Variants in VPS13D observed in about 807,000 individuals in gnomAD.
VPS13D encodes the protein intermembrane lipid transfer protein VPS13D.
Under a neutral mutation model 461.9 loss-of-function variants are expected in VPS13D, and 187 were observed. That is an observed-to-expected ratio of 0.40 (90% CI 0.36 to 0.46). The LOEUF is 0.46. VPS13D is among the 20% of genes least tolerant of loss of function. VPS13D has a pLI of 0.60. For missense variants in VPS13D, 4,711 were observed against 5,364.9 expected (o/e 0.88, Z 3.81); for synonymous variants, 1,951 against 1,986.3 (o/e 0.98, Z 0.47).
intron 67 of VPS13D, among the ~76,000 whole-genome samples, chr1:12,468,050 C>A (rs1354124333): frequency 1.3e-5 from 2 of 152,148 alleles, no homozygotes; most frequent in African/African-American, 2.4e-5. Context: ...CATTTACTTT[C>A]TGATTTGGGG....
At chr1:12,486,749 T>C (rs1300756476) in intron 67 of VPS13D, among the ~76,000 whole-genome samples, 7 of 152,194 alleles carry the variant, frequency 4.6e-5, no homozygotes, top group Non-Finnish European at 8.8e-5. Context: ...GGAGTTCCAC[T>C]GCGGACTGCC....
At chr1:12,345,628 C>G in intron 43 of VPS13D, 119 bp downstream of exon 43, 1 of 1,386,696 alleles carries the variant, frequency 7.2e-7, no homozygotes, top group Non-Finnish European at 9.7e-7. Flanking sequence ...AATTCTAGGA[C>G]TGACTGGGTC....
chr1:12,248,598 G>C (rs1038220923), intron 5 of VPS13D, among the ~76,000 whole-genome samples: 1 of 152,200 alleles, frequency 6.6e-6, no homozygotes, highest in African/African-American at 2.4e-5. Flanking sequence ...TCCTGCCTCA[G>C]CTTCCCAGAG....
At chr1:12,316,516 A>G (rs1302664122) in intron 30 of VPS13D, among the ~76,000 whole-genome samples, 2 of 152,192 alleles carry the variant, frequency 1.3e-5, no homozygotes, top group Non-Finnish European at 2.9e-5. Context: ...AATGGGGTGG[A>G]AAAATTTTAC....
chr1:12,455,892 A>G, intron 65 of VPS13D, 106 bp from the exon 66 acceptor site: 3 of 1,375,248 alleles, frequency 2.2e-6, no homozygotes, highest in Non-Finnish European at 2.9e-6. Context: ...ACAGACCAGC[A>G]TGGGCTTATC....
chr1:12,257,850 T>G, intron 9 of VPS13D, 85 bp from the exon 10 acceptor site: 1 of 1,461,604 alleles, frequency 6.8e-7, no homozygotes, highest in Non-Finnish European at 9.4e-7. Context: ...AGGAGAGGAG[T>G]GGGGTTATGT....
intron 59 of VPS13D, 91 bp from the exon 60 acceptor site, chr1:12,386,094 G>T (rs2101655071): frequency 1.4e-6 from 2 of 1,412,632 alleles, no homozygotes; most frequent in South Asian, 3.0e-5. Flanking sequence ...GGGAGTAGAG[G>T]AATGTAAAAT....
rs372184458 is a variant in VPS13D, at chr1:12,261,950, G to A, written c.1464G>A (p.Thr488=). Reference sequence around the variant, plus strand: ...CTGCAGATGCCTCGTGTATGAACACGTATACAAAGCGAGATCATGTCTTTG... The same window carrying A: ...CTGCAGATGCCTCGTGTATGAACACATATACAAAGCGAGATCATGTCTTTG... ...DPTADASCMN[T]YTKRDHVFAK... Residue 488 remains threonine, a synonymous_variant, in exon 13 of 70, where the codon ACG becomes ACA. Coordinates refer to ENST00000620676, the MANE Select transcript of VPS13D (RefSeq NM_015378.4). 227 of 1,614,020 alleles carry A rather than the reference G, an allele frequency of 1.4e-4. 2 individuals carry two copies. Among genetic ancestry groups the A allele is most frequent in the Non-Finnish European group, 1.7e-4 (203 of 1,180,000 alleles).
At chr1:12,236,786 A>G (rs1640160657) in intron 2 of VPS13D, among the ~76,000 whole-genome samples, 2 of 152,144 alleles carry the variant, frequency 1.3e-5, no homozygotes, top group Non-Finnish European at 2.9e-5. Flanking sequence ...TTTTTTAGCT[A>G]AACTATGTGT....
intron 35 of VPS13D, among the ~76,000 whole-genome samples, chr1:12,325,260 C>A (rs1643149189): frequency 6.6e-6 from 1 of 151,752 alleles, no homozygotes; most frequent in South Asian, 2.1e-4. Context: ...CTTTCTACTT[C>A]TCTTTTTTTT....
At chr1:12,428,022 G>T (rs1185046979) in intron 65 of VPS13D, among the ~76,000 whole-genome samples, 1 of 152,220 alleles carries the variant, frequency 6.6e-6, no homozygotes, top group East Asian at 1.9e-4. Context: ...TGTATGACAA[G>T]AATAATTCTT....
intron 53 of VPS13D, among the ~76,000 whole-genome samples, 161 bp from the exon 54 acceptor site, chr1:12,369,306 A>G (rs1226214585): frequency 6.6e-6 from 1 of 152,108 alleles, no homozygotes. Flanking sequence ...AGATGATTAG[A>G]AACATTCGAA....
chr1:12,365,364 T>A (rs1373350586), intron 52 of VPS13D, among the ~76,000 whole-genome samples: 4 of 152,238 alleles, frequency 2.6e-5, no homozygotes, highest in Non-Finnish European at 5.9e-5. Flanking sequence ...TTAAAAATTA[T>A]GTTTTCCAGT....
chr1:12,360,810 A>G (rs960956090), intron 50 of VPS13D, among the ~76,000 whole-genome samples: 1 of 152,228 alleles, frequency 6.6e-6, no homozygotes, highest in Admixed American at 6.5e-5. Context: ...AAGCCAGTTT[A>G]AGTGAATTAC....
rs1027859997 is a variant in VPS13D, at chr1:12,256,710, T to A, written c.840+207T>A. On this transcript the variant is annotated intron_variant, in intron 8 of 69. Coordinates refer to ENST00000620676, the MANE Select transcript of VPS13D (RefSeq NM_015378.4). ...GGTTAGTTTTTTTTTTTTTTTTTTT[T>A]AATTAGTTGGTGGTATGGATTGGAA... Among the ~76,000 whole-genome samples the A allele has an allele frequency of 1.3e-5, 2 of 151,090 alleles. No homozygotes were observed. Among genetic ancestry groups the A allele is most frequent in the Admixed American group, 1.3e-4 (2 of 15,188 alleles).
chr1:12,309,107 G>A (rs572162923), intron 27 of VPS13D, among the ~76,000 whole-genome samples: 1 of 152,290 alleles, frequency 6.6e-6, no homozygotes, highest in East Asian at 1.9e-4. Flanking sequence ...GGGCTACTGT[G>A]ATGAAAGAGA....
chr1:12,444,895 T>G (rs1211625388), intron 65 of VPS13D, among the ~76,000 whole-genome samples: 1 of 152,242 alleles, frequency 6.6e-6, no homozygotes, highest in Non-Finnish European at 1.5e-5. Flanking sequence ...TTAAACTTCT[T>G]CTTTCCTTCT....
At chr1:12,421,375 C>T (rs1644861655) in intron 65 of VPS13D, among the ~76,000 whole-genome samples, 1 of 152,178 alleles carries the variant, frequency 6.6e-6, no homozygotes, top group Non-Finnish European at 1.5e-5. Flanking sequence ...ATATTCCAAA[C>T]CCATGTCAGA....
At chr1:12,403,734 T>C (rs1644610873) in intron 62 of VPS13D, 91 bp from the exon 63 acceptor site, 7 of 1,306,006 alleles carry the variant, frequency 5.4e-6, no homozygotes, top group Non-Finnish European at 7.2e-6. Flanking sequence ...CTTTTTTTGA[T>C]GATTTTTTTC....
Sources: allele counts gnomAD v4.1 joint callset (sites outside exome capture counted in the v4.1 genomes callset), GRCh38; gene constraint gnomAD v4.1.1; transcripts MANE v1.5; gene names NCBI Gene and HGNC (gene_info 2026-07-23, HGNC 2026-07-21).